Variants in TBC1D31 observed in about 807,000 individuals in gnomAD.
TBC1D31 encodes TBC1 domain family member 31.
Under a neutral mutation model 132.9 loss-of-function variants are expected in TBC1D31, and 99 were observed. The ratio of observed to expected loss-of-function variants is 0.74; its 90% CI spans 0.63 to 0.88. The LOEUF is 0.88. Among genes scored for constraint, TBC1D31 ranks in the 40% least tolerant of loss-of-function variants. The pLI is 0.00. For synonymous variants in TBC1D31, 385 were observed against 419.4 expected, an observed-to-expected ratio of 0.92 and a Z score of 1.00; for missense variants, 1,134 against 1,256.6, an observed-to-expected ratio of 0.90 and a Z score of 1.48.
chr8:123,144,256 A>G (rs937041602), intron 19 of TBC1D31, among the ~76,000 whole-genome samples: 3 of 152,210 alleles, frequency 2.0e-5, no homozygotes, highest in Non-Finnish European at 4.4e-5. Context: ...AGAAGAAAAT[A>G]AGGGTGAATA....
chr8:123,151,686 A>C, intron 21 of TBC1D31, 120 bp from the exon 22 acceptor site: 1 of 1,026,826 alleles, frequency 9.7e-7, no homozygotes, highest in East Asian at 3.1e-5. Flanking sequence ...TGTAAAATTT[A>C]GGTTTTAGAA....
In TBC1D31 at chr8:123,077,259, T is replaced by C; in HGVS notation, c.224+2T>C. On this transcript the variant is annotated splice_donor_variant, in intron 2 of 21. Transcript: ENST00000287380. LOFTEE classifies it high-confidence loss of function. ...TGTTTTTGACTTACATGGAAACAGG[T>C]AAGCAGATACCATTGATATCTACGT... is the stretch of plus-strand genomic sequence containing the variant. The C allele has an allele frequency of 6.2e-7, 1 of 1,607,048 alleles. No individual in the cohort carries two copies. Among genetic ancestry groups the C allele is most frequent in the Non-Finnish European group, 8.5e-7 (1 of 1,177,940 alleles).
downstream of TBC1D31, among the ~76,000 whole-genome samples, chr8:123,156,527 G>A (rs1003922389): frequency 1.3e-5 from 2 of 151,990 alleles, no homozygotes; most frequent in African/African-American, 4.8e-5. Context: ...GCTGGTTATA[G>A]CTATTCCATC....
intron 4 of TBC1D31, among the ~76,000 whole-genome samples, chr8:123,090,034 T>C (rs975560247): frequency 6.6e-6 from 1 of 152,214 alleles, no homozygotes; most frequent in Non-Finnish European, 1.5e-5. Context: ...TTTCAGACTG[T>C]TTTTAAAGAA....
chr8:123,147,783 T>C (rs913362866), intron 20 of TBC1D31, among the ~76,000 whole-genome samples: 3 of 152,162 alleles, frequency 2.0e-5, no homozygotes, highest in Non-Finnish European at 2.9e-5. Context: ...ATAGATTTAA[T>C]CAGATTCATT....
At chr8:123,091,189 T>C (rs951820402) in intron 4 of TBC1D31, among the ~76,000 whole-genome samples, 1 of 152,144 alleles carries the variant, frequency 6.6e-6, no homozygotes, top group Non-Finnish European at 1.5e-5. Flanking sequence ...ACATGCTTCA[T>C]TAGGAACAAT....
intron 13 of TBC1D31, among the ~76,000 whole-genome samples, chr8:123,127,533 A>G (rs1023451163): frequency 6.6e-6 from 1 of 151,804 alleles, no homozygotes; most frequent in African/African-American, 2.4e-5. Flanking sequence ...TCGGCCTCCC[A>G]AAGTGCTGGG....
intron 20 of TBC1D31, 32 bp from the exon 21 acceptor site, chr8:123,150,004 A>G: frequency 1.3e-6 from 2 of 1,546,786 alleles, no homozygotes; most frequent in South Asian, 2.2e-5. Context: ...TCACTCCCAA[A>G]CATCATCTTA....
the TBC1D31 span, among the ~76,000 whole-genome samples, chr8:123,162,737 T>C: frequency 6.6e-6 from 1 of 152,250 alleles, no homozygotes; most frequent in Non-Finnish European, 1.5e-5. Flanking sequence ...AATATACGCA[T>C]ACAGCCATGC....
At chr8:123,084,416 TAA>T in intron 4 of TBC1D31, 76 bp downstream of exon 4, 1 of 1,362,436 alleles carries the variant, frequency 7.3e-7, no homozygotes, top group South Asian at 1.3e-5. Flanking sequence ...ATAGATGATA[TAA>T]GAGTAATGAT....
chr8:123,137,463 A>T (rs1821206198), intron 17 of TBC1D31, among the ~76,000 whole-genome samples: 1 of 152,268 alleles, frequency 6.6e-6, no homozygotes, highest in African/African-American at 2.4e-5. Flanking sequence ...GGTAAAAGGC[A>T]CATGGAGTGG....
rs753992057 is a variant in TBC1D31 at position 123,126,087 on chromosome 8, T to A, written c.1602T>A (p.Phe534Leu). 1 of 1,609,796 alleles carries A rather than the reference T, an allele frequency of 6.2e-7. No individual in the cohort carries two copies. The highest frequency in any genetic ancestry group is 1.1e-5 in the South Asian group (1 of 89,820). Residue 534 changes from phenylalanine (F) to leucine (L), a missense_variant, in exon 12 of 22, where the codon TTT (phenylalanine) becomes TTA (leucine). Physicochemically the swap from Phe to Leu is conservative, Grantham distance 22. Transcript: ENST00000287380. ...INWCQHWFEY[F>L]PNPPINILSM... is the part of the protein sequence containing the mutation. ...GGTGTCAACACTGGTTTGAATATTT[T>A]CCTAATCCTCCTATCAATATTCTTA... is the stretch of plus-strand genomic sequence containing the variant.
chr8:123,109,434 C>A (rs764618740), intron 9 of TBC1D31, 38 bp downstream of exon 9: 25 of 1,605,616 alleles, frequency 1.6e-5, no homozygotes, highest in Admixed American at 6.8e-5. Flanking sequence ...CAGTTTTACT[C>A]AAAAAAAATT....
At position 123,101,018 on chromosome 8, in the gene TBC1D31, T is replaced by C. The variant is rs1277430678; in HGVS notation, c.1032+11T>C. 3 of 1,580,174 alleles carry C rather than the reference T, an allele frequency of 1.9e-6. No individual in the cohort carries two copies. The highest frequency in any genetic ancestry group is 1.7e-5 in the Admixed American group (1 of 59,946). ...CAAGAAATAAATAAGGTATGTATGA[T>C]GAAGTAATCAACATCAGCTTTTTAT... On this transcript the variant is annotated intron_variant, in intron 7 of 21. Transcript: ENST00000287380.
chr8:123,076,123 A>C (rs1408019200), intron 1 of TBC1D31, among the ~76,000 whole-genome samples: 4 of 152,042 alleles, frequency 2.6e-5, no homozygotes, highest in African/African-American at 9.7e-5. Flanking sequence ...CTTTGGAGAC[A>C]GGGTCTTACA....
chr8:123,131,129 C>T (rs1046092374), intron 16 of TBC1D31, among the ~76,000 whole-genome samples: 9 of 151,372 alleles, frequency 5.9e-5, no homozygotes, highest in Admixed American at 3.3e-4. Context: ...TTTGGGAGGC[C>T]GAGGCAGGCA....
At chr8:123,159,284 GA>G in the TBC1D31 span, among the ~76,000 whole-genome samples, 4 of 132,296 alleles carry the variant, frequency 3.0e-5, no homozygotes, top group African/African-American at 1.2e-4. Flanking sequence ...AAAAAAAAAA[GA>G]AAAAGAAAAA....
chr8:123,126,669 T>C lies in TBC1D31; in HGVS notation c.1866T>C (p.Asn622=). ...CTAGAACGCCTCTGCTCAGCTGTAA[T>C]CTTAAAGATGACTTTGAGGTAACGG... ...ICSRTPLLSC[N]LKDDFEFFFH... The change falls in exon 13 of 22, where the codon AAT becomes AAC. Residue 622 remains asparagine (N), a synonymous_variant. Transcript: ENST00000287380. 1.2e-6 allele frequency: 2 copies of C among 1,611,558 alleles called. No individual in the cohort carries two copies. The highest frequency in any genetic ancestry group is 1.7e-6 in the Non-Finnish European group (2 of 1,179,198).
In TBC1D31 at chr8:123,129,134, A is replaced by C; in HGVS notation, c.2186A>C (p.Lys729Thr). 6.2e-7 allele frequency: 1 copy of C among 1,610,472 alleles called. No homozygotes were observed. Among genetic ancestry groups the C allele is most frequent in the Non-Finnish European group, 8.5e-7 (1 of 1,177,504 alleles). ...GTTGAAGATGAAGCTTGGTACCAGA[A>C]ACAGGAGCTGCTTCGTAAAGCTGAA... ...QRVEDEAWYQ[K>T]QELLRKAEET... The change falls in exon 15 of 22, where the codon AAA becomes ACA. Residue 729 changes from lysine (K) to threonine (T), a missense_variant. By Grantham distance (78) the Lys-to-Thr change is moderately conservative. Transcript: ENST00000287380.
Sources: allele counts gnomAD v4.1 joint callset (sites outside exome capture counted in the v4.1 genomes callset), GRCh38; gene constraint gnomAD v4.1.1; transcripts MANE v1.5; gene names NCBI Gene and HGNC (gene_info 2026-07-23, HGNC 2026-07-21).